The following CSMD2 variants were observed in gnomAD, a reference collection of about 807,000 sequenced individuals.
CSMD2 encodes the protein CUB and sushi domain-containing protein 2.
In CSMD2, 130 loss-of-function variants were observed where a neutral mutation model predicts 398.5. That is an observed-to-expected ratio of 0.33 (90% CI 0.28 to 0.38). The LOEUF (loss-of-function observed/expected upper bound fraction) is 0.38. CSMD2 is among the 10% of genes least tolerant of loss of function. The pLI is 1.00. For missense variants in CSMD2, 3,829 were observed against 4,764.9 expected (o/e 0.80, Z 5.78); for synonymous variants, 1,828 against 1,908.5 (o/e 0.96, Z 1.10).
At chr1:34,130,818 T>C (rs76754867) in intron 1 of CSMD2, among the ~76,000 whole-genome samples, 4,313 of 152,152 alleles carry the variant, frequency 0.028, 179 homozygotes, top group African/African-American at 0.093. Flanking sequence ...TTCCAACTCT[T>C]GGAGCCCGTT....
chr1:33,691,650 T>C (rs1645244402), intron 25 of CSMD2, among the ~76,000 whole-genome samples: 1 of 152,140 alleles, frequency 6.6e-6, no homozygotes, highest in East Asian at 1.9e-4. Flanking sequence ...AGCACTTACT[T>C]CCTGGATCAT....
At chr1:33,653,222 G>A (rs1643858798) in intron 27 of CSMD2, among the ~76,000 whole-genome samples, 1 of 152,202 alleles carries the variant, frequency 6.6e-6, no homozygotes, top group African/African-American at 2.4e-5. Context: ...GTCTGCTGAA[G>A]TATTTGGTAG....
At chr1:33,560,823 G>A (rs926612415) in intron 53 of CSMD2, among the ~76,000 whole-genome samples, 1 of 152,248 alleles carries the variant, frequency 6.6e-6, no homozygotes, top group Non-Finnish European at 1.5e-5. Context: ...CTTGGTGTAT[G>A]TACCAGTGCC....
Position 33,971,408 on chromosome 1 carries a change from A to G in CSMD2, c.518-35454T>C, listed in dbSNP as rs114510070. 9.7e-3 allele frequency among the ~76,000 whole-genome samples: 1,480 copies of G among 152,334 alleles called. 23 individuals are homozygous for G. The highest frequency in any genetic ancestry group is 0.034 in the African/African-American group (1,420 of 41,582). On this transcript the variant is annotated intron_variant, in intron 3 of 70. Coordinates refer to ENST00000373381, the MANE Select transcript of CSMD2 (RefSeq NM_001281956.2). ...GGGGCAGCCACTGGGTCCAGCCCTG[A>G]CACTGCTCACAGGCTGGGAGATCTG...
chr1:33,699,015 A>G (rs1246091513), intron 23 of CSMD2, 71 bp from the exon 24 acceptor site: 1 of 1,344,870 alleles, frequency 7.4e-7, no homozygotes, highest in Non-Finnish European at 1.0e-6. Context: ...CTCTTCCCTC[A>G]AAGCCCACGT....
At chr1:33,651,424 A>T (rs1239727605) in intron 28 of CSMD2, among the ~76,000 whole-genome samples, 1 of 152,198 alleles carries the variant, frequency 6.6e-6, no homozygotes, top group Admixed American at 6.5e-5. Context: ...CCAGACAGAG[A>T]TGCCCAACAT....
In CSMD2 at chr1:33,519,373, G is replaced by A; in HGVS notation, c.*53+92C>T. The A allele has an allele frequency of 1.4e-6, 1 of 720,268 alleles. No individual in the cohort carries two copies. The highest frequency in any genetic ancestry group is 2.3e-6 in the Non-Finnish European group (1 of 427,318). 44.6% of individuals were successfully genotyped at this position (720,268 alleles called of 1,614,324 possible). A position where few individuals can be genotyped will look rare whatever the true frequency, so the allele number is the denominator to read the frequency against. On this transcript the variant is annotated intron_variant, in intron 70 of 70. Transcript: ENST00000373381. This position sits in a 1 kb window ranked among gnomAD's most constrained non-coding sequence, Gnocchi z 5.6. ...TCCTCTTACTGGGTGTGTCTATGTG[G>A]TGTGTGCGACTCCGTTGGGTGGAGC...
intron 3 of CSMD2, among the ~76,000 whole-genome samples, chr1:34,017,099 T>C (rs1210471721): frequency 2.6e-5 from 4 of 152,238 alleles, no homozygotes; most frequent in African/African-American, 7.2e-5. Context: ...TTGGAAAGTA[T>C]GTTAACAGAA....
At chr1:33,909,039 G>T (rs892771997) in intron 5 of CSMD2, among the ~76,000 whole-genome samples, 10 of 152,190 alleles carry the variant, frequency 6.6e-5, no homozygotes, top group African/African-American at 2.4e-4. Context: ...GAGGTCTGAG[G>T]CTCGGTTAGA....
chr1:33,650,331 G>A (rs989363530), intron 28 of CSMD2, among the ~76,000 whole-genome samples: 1 of 152,206 alleles, frequency 6.6e-6, no homozygotes, highest in African/African-American at 2.4e-5. Flanking sequence ...ACAAAGCAAG[G>A]TTCCTTGGGG....
At chr1:33,611,733 A>G (rs1237475299) in intron 40 of CSMD2, among the ~76,000 whole-genome samples, 1 of 152,202 alleles carries the variant, frequency 6.6e-6, no homozygotes, top group Non-Finnish European at 1.5e-5. Context: ...CTGTTCCATA[A>G]AGAAGCCAAA....
At chr1:33,542,106 T>A (rs887613222) in intron 58 of CSMD2, among the ~76,000 whole-genome samples, 2 of 152,204 alleles carry the variant, frequency 1.3e-5, no homozygotes, top group African/African-American at 2.4e-5. Flanking sequence ...ACTAGGACTT[T>A]GACAGGGAGA....
intron 14 of CSMD2, among the ~76,000 whole-genome samples, chr1:33,739,762 T>A (rs1194735810): frequency 6.6e-6 from 1 of 152,112 alleles, no homozygotes; most frequent in Non-Finnish European, 1.5e-5. Context: ...TGGGATCATT[T>A]CTGCTTGAGG....
chr1:33,795,772 G>C (rs1020436571), intron 10 of CSMD2, among the ~76,000 whole-genome samples: 6 of 152,218 alleles, frequency 3.9e-5, no homozygotes, highest in African/African-American at 1.4e-4. Context: ...GCAGGGGTCA[G>C]GCCTCACTGC....
intron 2 of CSMD2, among the ~76,000 whole-genome samples, chr1:34,062,272 A>G (rs1211169185): frequency 6.6e-6 from 1 of 152,246 alleles, no homozygotes; most frequent in Non-Finnish European, 1.5e-5. Flanking sequence ...ATTCTGAGGT[A>G]GCATTTGGAC....
intron 10 of CSMD2, among the ~76,000 whole-genome samples, chr1:33,809,671 C>T (rs2124956957): frequency 6.6e-6 from 1 of 151,936 alleles, no homozygotes; most frequent in East Asian, 1.9e-4. Flanking sequence ...CTGGGAGGTT[C>T]CAACCAGAAC....
chr1:33,956,692 T>C (rs888197465), intron 3 of CSMD2, among the ~76,000 whole-genome samples: 1 of 152,064 alleles, frequency 6.6e-6, no homozygotes, highest in Admixed American at 6.6e-5. Context: ...GCACTCCTCT[T>C]TGGCTCCTGT....
intron 38 of CSMD2, 82 bp from the exon 39 acceptor site, chr1:33,617,057 G>T: frequency 9.6e-7 from 1 of 1,041,976 alleles, no homozygotes; most frequent in Non-Finnish European, 1.5e-6. Flanking sequence ...ACAGGGGTCT[G>T]GTTCAGGGGC....
Position 33,581,562 on chromosome 1 carries a change from A to G in CSMD2, c.7241-663T>C, listed in dbSNP as rs143182377. Among the ~76,000 whole-genome samples the G allele has an allele frequency of 1.8e-3, 277 of 150,740 alleles. 1 individual carries two copies. Among genetic ancestry groups the G allele is most frequent in the African/African-American group, 6.5e-3 (268 of 41,248 alleles). On this transcript the variant is annotated intron_variant, in intron 47 of 70. Transcript: ENST00000373381. Reference sequence around the variant, plus strand: ...AAAAAAAAAAAAAAAAAAGAAAAGAAAAAAAGCTCAGTGCCTGCCATATAG... The same window carrying G: ...AAAAAAAAAAAAAAAAAAGAAAAGAGAAAAAGCTCAGTGCCTGCCATATAG...
Sources: gnomAD v4.1 joint callset for allele counts (sites outside exome capture counted in the v4.1 genomes callset) on GRCh38, gnomAD v4.1.1 for gene constraint, Gnocchi (gnomAD v3.1) non-coding constraint, MANE v1.5 for transcripts, NCBI Gene and HGNC (gene_info 2026-07-23, HGNC 2026-07-21) for gene names.